The following MMEL1 variants were observed in gnomAD, a reference collection of about 807,000 sequenced individuals.
The protein encoded by MMEL1 is membrane metalloendopeptidase like 1.
MMEL1 carries 98 observed loss-of-function variants against 117.1 expected under a neutral mutation model. The observed-to-expected ratio is 0.84, with a 90% CI of 0.71 to 0.99. MMEL1 has a LOEUF of 0.99. Ranked by LOEUF, MMEL1 falls within the 50% of genes least tolerant of loss-of-function variation. The pLI, the probability that MMEL1 is intolerant of heterozygous loss-of-function variation, is 0.00. For synonymous variants in MMEL1, 390 were observed against 415.1 expected (o/e 0.94, Z 0.74); for missense variants, 1,014 against 1,049.1 (o/e 0.97, Z 0.46).
chr1:2,594,165 T>C (rs1407428738), intron 18 of MMEL1: 8 of 773,744 alleles, frequency 1.0e-5, no homozygotes, highest in Non-Finnish European at 1.2e-5. Context: ...CTGTTCTGCC[T>C]GCAGGAAAGG....
chr1:2,604,122 T>TCG, intron 10 of MMEL1, 25 bp downstream of exon 10: 2 of 1,357,428 alleles, frequency 1.5e-6, no homozygotes, highest in Non-Finnish European at 2.1e-6. Context: ...CGCTGCCCGC[T>TCG]CCCCACCCGC....
chr1:2,628,758 C>CTTG (rs1485715092), intron 2 of MMEL1, among the ~76,000 whole-genome samples: 2 of 152,188 alleles, frequency 1.3e-5, no homozygotes, highest in East Asian at 3.9e-4. Flanking sequence ...CAGCGAGCAG[C>CTTG]CCTGGCCACG....
chr1:2,601,348 C>T (rs147334065), intron 11 of MMEL1, among the ~76,000 whole-genome samples: 2 of 152,036 alleles, frequency 1.3e-5, no homozygotes, highest in African/African-American at 4.8e-5. Context: ...CAGAAGGCAC[C>T]AAGACCAGGG....
rs1332933280 is a variant in MMEL1 at position 2,594,846 on chromosome 1, G to A, written c.1632C>T (p.Leu544=). 1 of 1,614,052 alleles carries A rather than the reference G, an allele frequency of 6.2e-7. No individual in the cohort carries two copies. Among genetic ancestry groups the A allele is most frequent in the East Asian group, 2.2e-5 (1 of 44,882 alleles). The change falls in exon 17 of 24, where the codon CTC becomes CTT. Residue 544 remains leucine (L), a synonymous_variant. Coordinates refer to ENST00000378412, the MANE Select transcript of MMEL1 (RefSeq NM_033467.4). ...DLYFENSLQN[L]KVGAQRSLRK... ...TGAGGCTCCGCTGGGCGCCCACCTT[G>A]AGGTTCTGCAGACTGTTCTCAAAGT...
chr1:2,613,478 A>G (rs1645159891), intron 2 of MMEL1, among the ~76,000 whole-genome samples: 1 of 152,146 alleles, frequency 6.6e-6, no homozygotes. Context: ...TCTGATTAGG[A>G]TGCAGAAAGT....
At chr1:2,601,410 A>G (rs1275040487) in intron 11 of MMEL1, among the ~76,000 whole-genome samples, 2 of 152,200 alleles carry the variant, frequency 1.3e-5, no homozygotes, top group African/African-American at 2.4e-5. Flanking sequence ...GGAAATCCAT[A>G]AGAAAGAAAC....
At chr1:2,625,928 G>A (rs1255114471) in intron 2 of MMEL1, among the ~76,000 whole-genome samples, 2 of 110,146 alleles carry the variant, frequency 1.8e-5, no homozygotes, top group African/African-American at 2.7e-5. Flanking sequence ...CCTATGACCA[G>A]TGGACAGAGG....
chr1:2,607,679 G>A (rs573379722), intron 6 of MMEL1, among the ~76,000 whole-genome samples: 70 of 152,290 alleles, frequency 4.6e-4, no homozygotes, highest in African/African-American at 1.5e-3. Flanking sequence ...AGCATGGCAG[G>A]TGCCCCGTCA....
chr1:2,632,874 A>C lies in MMEL1; in HGVS notation c.-46T>G. ...CCTTCAGCACAACTCACCTTTGCTC[A>C]CTCAGGAGTGGCTGCCGCCCACAGT... On this transcript the variant is annotated 5_prime_UTR_variant, in exon 1 of 24. Transcript: ENST00000378412. 1 of 985,538 alleles carries C rather than the reference A, an allele frequency of 1.0e-6. No homozygotes were observed. Among genetic ancestry groups the C allele is most frequent in the African/African-American group, 1.7e-5 (1 of 57,338 alleles). The allele number at this position is 985,538 out of a possible 1,614,324, so 61.0% of individuals were successfully genotyped here. A position where few individuals can be genotyped will look rare whatever the true frequency, so the allele number is the denominator to read the frequency against.
intron 7 of MMEL1, among the ~76,000 whole-genome samples, chr1:2,606,633 G>A (rs924833542): frequency 2.6e-5 from 4 of 152,188 alleles, no homozygotes; most frequent in Admixed American, 1.3e-4. Flanking sequence ...TCCTGCCCCC[G>A]GGGGAATGGA....
rs1041358621 is a variant in MMEL1, at chr1:2,594,720, G to A, written c.1688+70C>T. 3.7e-6 allele frequency: 5 copies of A among 1,351,672 alleles called. No homozygotes were observed. In the Admixed American group the frequency reaches 5.3e-5, roughly 14 times the overall value. The allele number at this position is 1,351,672 out of a possible 1,614,324, so 83.7% of individuals were successfully genotyped here. On this transcript the variant is annotated intron_variant, in intron 17 of 23. Coordinates refer to ENST00000378412, the MANE Select transcript of MMEL1 (RefSeq NM_033467.4). Reference sequence around the variant, plus strand: ...ACGCATCCAGTCCCCCGCCTGGCAGGCAGCCCTGCACGCCTTACTGGCCAC... The same window carrying A: ...ACGCATCCAGTCCCCCGCCTGGCAGACAGCCCTGCACGCCTTACTGGCCAC...
chr1:2,601,439 T>A (rs1391058855), intron 11 of MMEL1, among the ~76,000 whole-genome samples: 2 of 152,072 alleles, frequency 1.3e-5, no homozygotes, highest in Non-Finnish European at 2.9e-5. Context: ...CATCTCACTG[T>A]CCATTAAAAA....
At chr1:2,593,789 T>TG in intron 19 of MMEL1, 25 bp downstream of exon 19, 1 of 1,578,102 alleles carries the variant, frequency 6.3e-7, no homozygotes, top group Non-Finnish European at 8.6e-7. Flanking sequence ...GGAGGGCGTG[T>TG]GTGATTGGAG....
At chr1:2,591,203 A>G (rs979231855) in intron 23 of MMEL1, 114 bp from the exon 24 acceptor site, 6 of 678,370 alleles carry the variant, frequency 8.8e-6, no homozygotes, top group Non-Finnish European at 1.5e-5. Flanking sequence ...GGCTCATGTC[A>G]GTATGAGCAG....
At chr1:2,628,181 A>G (rs992892952) in intron 2 of MMEL1, among the ~76,000 whole-genome samples, 1 of 152,054 alleles carries the variant, frequency 6.6e-6, no homozygotes, top group Non-Finnish European at 1.5e-5. Flanking sequence ...CCCACTGCCC[A>G]CCGCCCATGG....
At chr1:2,614,979 G>A (rs1011936517) in intron 2 of MMEL1, among the ~76,000 whole-genome samples, 2 of 152,016 alleles carry the variant, frequency 1.3e-5, no homozygotes, top group South Asian at 4.1e-4. Context: ...AACTCCCAAT[G>A]GCCAGAGTTA....
chr1:2,609,667 C>T lies in MMEL1; in HGVS notation c.454+3G>A. 6.2e-7 allele frequency: 1 copy of T among 1,605,764 alleles called. No homozygotes were observed. Among genetic ancestry groups the T allele is most frequent in the Non-Finnish European group, 8.5e-7 (1 of 1,175,432 alleles). Reference sequence around the variant, plus strand: ...CACTGCACCCCCGGCCGTGCTCTGCCACCTTTGAGGATGACCTCCAGCTCG... The same window carrying T: ...CACTGCACCCCCGGCCGTGCTCTGCTACCTTTGAGGATGACCTCCAGCTCG... On this transcript the variant is annotated splice_donor_region_variant and intron_variant, in intron 5 of 23. Transcript: ENST00000378412.
chr1:2,597,964 C>G lies in MMEL1; in HGVS notation c.1272+243G>C, dbSNP rs370425965. Among the ~76,000 whole-genome samples the G allele has an allele frequency of 1.2e-4, 19 of 152,310 alleles. No individual in the cohort carries two copies. The East Asian group carries it at 2.7e-3, about 22-fold the overall frequency. On this transcript the variant is annotated intron_variant, in intron 13 of 23. Transcript: ENST00000378412. ...GGTCTCAAATGTCGCCTCCCCGGAG[C>G]AGTGCTCCCTGTCCTCGTCCCTCCC...
At chr1:2,602,260 T>C (rs1644945244) in intron 11 of MMEL1, among the ~76,000 whole-genome samples, 1 of 89,014 alleles carries the variant, frequency 1.1e-5, no homozygotes, top group South Asian at 4.1e-4. Context: ...GGGATGTCGG[T>C]GGTCACGTAA....
Sources: allele counts gnomAD v4.1 joint callset (sites outside exome capture counted in the v4.1 genomes callset), GRCh38; gene constraint gnomAD v4.1.1; transcripts MANE v1.5; gene names NCBI Gene and HGNC (gene_info 2026-07-23, HGNC 2026-07-21).